The following C16orf74 variants were observed in gnomAD, a reference collection of about 807,000 sequenced individuals.
C16orf74 encodes the protein calcimembrin, also known as uncharacterized protein C16orf74.
Under a neutral mutation model 6.5 loss-of-function variants are expected in C16orf74, and 10 were observed. The ratio of observed to expected loss-of-function variants is 1.54; its 90% CI spans 0.95 to 2.61. The LOEUF is 2.61. Among genes scored for constraint, C16orf74 ranks in the 30% most tolerant of loss-of-function variants. The pLI is 0.00. For synonymous variants in C16orf74, 60 were observed against 42.5 expected, an observed-to-expected ratio of 1.41 and a Z score of -1.60; for missense variants, 141 against 105.9, an observed-to-expected ratio of 1.33 and a Z score of -1.45.
chr16:85,746,733 C>G (rs2054377481), intron 1 of C16orf74, among the ~76,000 whole-genome samples: 1 of 152,206 alleles, frequency 6.6e-6, no homozygotes, highest in Admixed American at 6.5e-5. Flanking sequence ...TGGTAAGCCC[C>G]TTCAGCTCTC....
intron 2 of C16orf74, among the ~76,000 whole-genome samples, chr16:85,719,818 C>T (rs1264440642): frequency 6.7e-6 from 1 of 149,464 alleles, no homozygotes; most frequent in Non-Finnish European, 1.5e-5. Context: ...CACAAAGGCC[C>T]TGAGGCAGGA....
chr16:85,731,666 T>G (rs979220672), intron 2 of C16orf74, among the ~76,000 whole-genome samples: 1 of 149,312 alleles, frequency 6.7e-6, no homozygotes, highest in Non-Finnish European at 1.5e-5. Context: ...TCTGACATTG[T>G]TGAAAACAGG....
chr16:85,737,800 C>T (rs2054260596), intron 1 of C16orf74, among the ~76,000 whole-genome samples: 1 of 152,110 alleles, frequency 6.6e-6, no homozygotes, highest in African/African-American at 2.4e-5. Context: ...CACTGCACTC[C>T]AGCTTGGGCA....
chr16:85,750,545 C>G (rs1175910888), intron 1 of C16orf74, among the ~76,000 whole-genome samples: 8 of 152,042 alleles, frequency 5.3e-5, no homozygotes, highest in African/African-American at 1.9e-4. Flanking sequence ...AGGCCTCCTG[C>G]CCCCGCCCCC....
chr16:85,720,818 C>T (rs547764168), intron 2 of C16orf74, among the ~76,000 whole-genome samples: 5 of 149,020 alleles, frequency 3.4e-5, no homozygotes, highest in East Asian at 3.9e-4. Context: ...CTGGGCGTGG[C>T]GGCTCATGCT....
At chr16:85,732,325 G>C (rs1214836489) in intron 2 of C16orf74, among the ~76,000 whole-genome samples, 2 of 152,170 alleles carry the variant, frequency 1.3e-5, no homozygotes, top group African/African-American at 2.4e-5. Context: ...AGGACAGTAA[G>C]ACCCCATGTT....
chr16:85,735,135 A>C, intron 2 of C16orf74, 55 bp downstream of exon 2: 8 of 1,548,894 alleles, frequency 5.2e-6, no homozygotes, highest in Non-Finnish European at 7.0e-6. Flanking sequence ...CCTGCCCCCC[A>C]ACCCAGCACC....
At chr16:85,743,800 T>G (rs1057003838) in intron 1 of C16orf74, 2 of 151,982 alleles carry the variant, frequency 1.3e-5, no homozygotes, top group Non-Finnish European at 2.9e-5. Flanking sequence ...ACATCTGTAA[T>G]CCCAGCACTT....
At chr16:85,708,179 T>A in intron 3 of C16orf74, 113 bp from the exon 4 acceptor site, 1 of 878,380 alleles carries the variant, frequency 1.1e-6, no homozygotes, top group Non-Finnish European at 1.8e-6. Flanking sequence ...TTTCTGGTGC[T>A]GCCAGAGGCT....
Position 85,735,169 on chromosome 16 carries a change from G to C in C16orf74, c.28+21C>G, listed in dbSNP as rs755699578. On this transcript the variant is annotated intron_variant, in intron 2 of 3. Transcript: ENST00000284245. ...CCCCCTCTGCCATGAGAGCTGGTGGGGGCAGAGCTTCAGGCCTTACCTTTC... is the reference window on the plus strand; with the variant it reads ...CCCCCTCTGCCATGAGAGCTGGTGGCGGCAGAGCTTCAGGCCTTACCTTTC... The C allele has an allele frequency of 1.3e-5, 20 of 1,598,466 alleles. 1 individual carries two copies. The South Asian group carries it at 2.1e-4, about 17-fold the overall frequency.
At chr16:85,739,271 C>G (rs1169400997) in intron 1 of C16orf74, among the ~76,000 whole-genome samples, 1 of 152,162 alleles carries the variant, frequency 6.6e-6, no homozygotes, top group Admixed American at 6.5e-5. Flanking sequence ...ACTCGACATC[C>G]CAACCAAGCG....
chr16:85,728,051 C>A (rs2152062204), intron 2 of C16orf74, among the ~76,000 whole-genome samples: 1 of 151,226 alleles, frequency 6.6e-6, no homozygotes, highest in Middle Eastern at 3.5e-3. Context: ...GGCAGGAGAA[C>A]CACTTGAGCC....
intron 2 of C16orf74, among the ~76,000 whole-genome samples, chr16:85,733,252 A>G (rs975496496): frequency 6.6e-5 from 10 of 152,262 alleles, no homozygotes; most frequent in South Asian, 4.1e-4. Flanking sequence ...TGCATGTTCA[A>G]TGTGGATGAG....
chr16:85,744,829 C>T (rs78505194), intron 1 of C16orf74, among the ~76,000 whole-genome samples: 1 of 59,410 alleles, frequency 1.7e-5, no homozygotes, highest in Non-Finnish European at 3.0e-5. Context: ...GACTCCATCT[C>T]AAAAAAAAAA....
At chr16:85,750,537 GCCT>G (rs2054425691) in intron 1 of C16orf74, among the ~76,000 whole-genome samples, 1 of 152,326 alleles carries the variant, frequency 6.6e-6, no homozygotes, top group African/African-American at 2.4e-5. Flanking sequence ...TCCTCGGGAG[GCCT>G]CCTGCCCCCG....
intron 2 of C16orf74, among the ~76,000 whole-genome samples, chr16:85,719,943 G>A (rs1460563588): frequency 6.6e-6 from 1 of 151,588 alleles, no homozygotes; most frequent in African/African-American, 2.4e-5. Context: ...CACAGGGGCT[G>A]AGCGGGGTGA....
Position 85,748,589 on chromosome 16 carries a change from C to A in C16orf74, c.-19+2337G>T, listed in dbSNP as rs1323606511. Reference sequence around the variant, plus strand: ...CTCCAGCCTGGGTGACAGAGCAAGACTGTCTCAAGAAAAAACAACAAAAAA... The same window carrying A: ...CTCCAGCCTGGGTGACAGAGCAAGAATGTCTCAAGAAAAAACAACAAAAAA... On this transcript the variant is annotated intron_variant, in intron 1 of 3. Transcript: ENST00000284245. Among the ~76,000 whole-genome samples the A allele has an allele frequency of 2.0e-5, 3 of 152,072 alleles. No homozygotes were observed. The East Asian group carries it at 5.8e-4, about 29-fold the overall frequency.
intron 1 of C16orf74, among the ~76,000 whole-genome samples, chr16:85,737,272 C>T (rs150415933): frequency 6.6e-6 from 1 of 152,274 alleles, no homozygotes; most frequent in East Asian, 1.9e-4. Flanking sequence ...AACAGCAGCA[C>T]AGGCTTCCCG....
intron 1 of C16orf74, among the ~76,000 whole-genome samples, chr16:85,750,290 C>T (rs1468451736): frequency 6.6e-6 from 1 of 152,218 alleles, no homozygotes; most frequent in Non-Finnish European, 1.5e-5. Context: ...AAGTCCCAGC[C>T]GCCCTCAGAC....
Sources: allele counts gnomAD v4.1 joint callset (sites outside exome capture counted in the v4.1 genomes callset), GRCh38; gene constraint gnomAD v4.1.1; transcripts MANE v1.5; gene names NCBI Gene and HGNC (gene_info 2026-07-23, HGNC 2026-07-21).